The following ACACB variants were observed in gnomAD, a reference collection of about 807,000 sequenced individuals.
ACACB encodes acetyl-CoA carboxylase 2.
A neutral mutation model predicts 278.8 loss-of-function variants in ACACB; 209 were observed. That is an observed-to-expected ratio of 0.75 (90% CI 0.67 to 0.84). The LOEUF is 0.84. Among genes scored for constraint, ACACB ranks in the 40% least tolerant of loss-of-function variants. The pLI, the probability that ACACB is intolerant of heterozygous loss-of-function variation, is 0.00. For missense variants in ACACB, 2,850 were observed against 3,269.0 expected, an observed-to-expected ratio of 0.87 and a Z score of 3.13; for synonymous variants, 1,174 against 1,285.6, an observed-to-expected ratio of 0.91 and a Z score of 1.86.
chr12:109,246,905 C>T (rs926664916), intron 39 of ACACB, among the ~76,000 whole-genome samples: 10 of 152,124 alleles, frequency 6.6e-5, no homozygotes, highest in Admixed American at 1.3e-4. Context: ...AGCCAGACTT[C>T]GTCTCTACTA....
At chr12:109,251,742 C>T (rs2047100972) in intron 41 of ACACB, among the ~76,000 whole-genome samples, 1 of 152,150 alleles carries the variant, frequency 6.6e-6, no homozygotes. Context: ...GCTGCAATGG[C>T]CCATGAATGC....
intron 35 of ACACB, 106 bp from the exon 36 acceptor site, chr12:109,240,972 C>A: frequency 2.8e-6 from 3 of 1,061,060 alleles, no homozygotes; most frequent in Non-Finnish European, 4.2e-6. Flanking sequence ...ATGTCCCAGG[C>A]GTTTTTGCAG....
chr12:109,227,550 C>A (rs1422620582), intron 28 of ACACB, 61 bp downstream of exon 28: 15 of 1,523,594 alleles, frequency 9.8e-6, no homozygotes, highest in Non-Finnish European at 1.4e-5. Flanking sequence ...CCTCTGTCGT[C>A]CTGTCTCTGG....
At chr12:109,111,740 G>A (rs1010597352), upstream of ACACB, among the ~76,000 whole-genome samples, 3 of 152,014 alleles carry the variant, frequency 2.0e-5, no homozygotes, top group Non-Finnish European at 2.9e-5. Context: ...ACTTTTAGTA[G>A]AGAAACTTTT....
At chr12:109,247,486 T>C (rs2046979197) in intron 39 of ACACB, 120 bp from the exon 40 acceptor site, 1 of 717,658 alleles carries the variant, frequency 1.4e-6, no homozygotes, top group Admixed American at 2.2e-5. Flanking sequence ...TAATGTGTCA[T>C]TGACATGTTA....
chr12:109,167,872 C>T, intron 3 of ACACB, 24 bp from the exon 4 acceptor site: 1 of 1,613,726 alleles, frequency 6.2e-7, no homozygotes, highest in Non-Finnish European at 8.5e-7. Flanking sequence ...GCATCTACAG[C>T]TCCTTCCTTG....
At chr12:109,210,188 C>CAT (rs146208327) in intron 21 of ACACB, among the ~76,000 whole-genome samples, 1,182 of 13,606 alleles carry the variant, frequency 0.087, 154 homozygotes, top group African/African-American at 0.15. Flanking sequence ...TATATACACA[C>CAT]GTGTGTATAT....
At chr12:109,203,330 G>A (rs548332055) in intron 19 of ACACB, among the ~76,000 whole-genome samples, 22 of 152,166 alleles carry the variant, frequency 1.4e-4, no homozygotes, top group African/African-American at 5.3e-4. Context: ...ATGAGTGTAC[G>A]ATTTTCTTAG....
At chr12:109,161,713 T>C (rs2043727200) in intron 2 of ACACB, among the ~76,000 whole-genome samples, 1 of 149,522 alleles carries the variant, frequency 6.7e-6, no homozygotes, top group Non-Finnish European at 1.5e-5. Flanking sequence ...TAATTTTTTA[T>C]GGCTCAGTAG....
At chr12:109,239,362 G>A (rs111400939) in intron 34 of ACACB, among the ~76,000 whole-genome samples, 328 of 152,332 alleles carry the variant, frequency 2.2e-3, no homozygotes, top group African/African-American at 7.7e-3. Flanking sequence ...AGGCTCTGGG[G>A]TTGGTCAGGC....
intron 2 of ACACB, among the ~76,000 whole-genome samples, chr12:109,152,595 C>T (rs922501499): frequency 3.3e-5 from 5 of 150,414 alleles, no homozygotes; most frequent in African/African-American, 9.8e-5. Flanking sequence ...GTACTTGGCA[C>T]CCCCGGGAAG....
chr12:109,247,811 A>G, intron 40 of ACACB, 108 bp downstream of exon 40: 1 of 895,584 alleles, frequency 1.1e-6, no homozygotes, highest in East Asian at 2.5e-5. Context: ...TGGTGTTTGT[A>G]TGATGGGAAC....
At chr12:109,179,011 T>A in intron 9 of ACACB, 77 bp from the exon 10 acceptor site, 2 of 1,386,102 alleles carry the variant, frequency 1.4e-6, no homozygotes, top group Non-Finnish European at 2.0e-6. Flanking sequence ...TTGTTTTATG[T>A]TCTCTCCTGA....
intron 4 of ACACB, among the ~76,000 whole-genome samples, chr12:109,168,494 T>C (rs2043995876): frequency 1.3e-5 from 2 of 152,140 alleles, no homozygotes; most frequent in Admixed American, 1.3e-4. Flanking sequence ...GCATAACTTC[T>C]TCTGCTGTAT....
chr12:109,153,046 G>T (rs1314683267), intron 2 of ACACB, among the ~76,000 whole-genome samples: 1 of 152,022 alleles, frequency 6.6e-6, no homozygotes, highest in Non-Finnish European at 1.5e-5. Flanking sequence ...GAATGCAGTG[G>T]CCTGATCTCG....
Position 109,256,233 on chromosome 12 carries a change from C to T in ACACB, c.6260C>T (p.Ala2087Val). 6.2e-7 allele frequency: 1 copy of T among 1,613,584 alleles called. No homozygotes were observed. The highest frequency in any genetic ancestry group is 1.1e-5 in the South Asian group (1 of 91,052). ...PWAQTVVTGR[A>V]RLGGIPVGVI... ...GCGCAGACCGTGGTGACAGGACGAG[C>T]AAGGTAATCATGAAGACGGGAGCAG... is the stretch of plus-strand genomic sequence containing the variant. The change falls in exon 45 of 53, where the codon GCA (alanine) becomes GTA (valine). Residue 2087 changes from alanine (A) to valine (V), a missense_variant. Physicochemically the swap from Ala to Val is moderately conservative, Grantham distance 64. This residue lies in a region of ACACB where 579 missense variants were observed against 684.6 expected (regional missense o/e 0.85). Coordinates refer to ENST00000338432, the MANE Select transcript of ACACB (RefSeq NM_001093.4).
chr12:109,235,755 T>G (rs1242295301), intron 33 of ACACB, 108 bp downstream of exon 33: 10 of 1,018,972 alleles, frequency 9.8e-6, no homozygotes, highest in Non-Finnish European at 1.0e-5. Context: ...CCTAGCACTT[T>G]GGGAGGCTGA....
intron 19 of ACACB, among the ~76,000 whole-genome samples, chr12:109,205,173 G>C (rs905588090): frequency 6.6e-6 from 1 of 152,154 alleles, no homozygotes; most frequent in Non-Finnish European, 1.5e-5. Flanking sequence ...TCTTTAGGGA[G>C]TTCCCAAAGC....
intron 46 of ACACB, 112 bp from the exon 47 acceptor site, chr12:109,258,861 G>T (rs1285177456): frequency 1.4e-6 from 2 of 1,383,190 alleles, no homozygotes; most frequent in East Asian, 2.3e-5. Flanking sequence ...CTGGTGCTGG[G>T]GCCAGCACAG....
Sources: allele counts gnomAD v4.1 joint callset (sites outside exome capture counted in the v4.1 genomes callset), GRCh38; gene constraint gnomAD v4.1.1; regional missense constraint gnomAD v4.1.1; transcripts MANE v1.5; gene names NCBI Gene and HGNC (gene_info 2026-07-23, HGNC 2026-07-21).